Variants in SGMS1 observed in about 807,000 individuals in gnomAD.
SGMS1 encodes sphingomyelin synthase 1.
Under a neutral mutation model 46.2 loss-of-function variants are expected in SGMS1, and 13 were observed. The observed-to-expected ratio is 0.28, with a 90% CI of 0.18 to 0.45. The LOEUF (loss-of-function observed/expected upper bound fraction) is 0.45. Among genes scored for constraint, SGMS1 ranks in the 20% least tolerant of loss-of-function variants. SGMS1 has a pLI of 1.00. For missense variants in SGMS1, 324 were observed against 519.9 expected (o/e 0.62, Z 3.66); for synonymous variants, 203 against 187.8 (o/e 1.08, Z -0.66).
chr10:50,394,007 T>C (rs759195862), intron 6 of SGMS1, among the ~76,000 whole-genome samples: 5 of 152,158 alleles, frequency 3.3e-5, no homozygotes, highest in Admixed American at 1.3e-4. Context: ...CCTATCTCTA[T>C]ATAGATACCA....
chr10:50,382,780 T>C (rs1297752660), intron 6 of SGMS1, among the ~76,000 whole-genome samples: 1 of 152,220 alleles, frequency 6.6e-6, no homozygotes, highest in Non-Finnish European at 1.5e-5. Context: ...TTGAATTTCA[T>C]ACGACTGTCA....
chr10:50,449,443 T>C (rs1235035847), intron 5 of SGMS1, among the ~76,000 whole-genome samples: 1 of 152,132 alleles, frequency 6.6e-6, no homozygotes, highest in Non-Finnish European at 1.5e-5. Flanking sequence ...AACTATGTAG[T>C]CTTAGACAAG....
chr10:50,423,407 C>T (rs867329001), intron 6 of SGMS1, among the ~76,000 whole-genome samples: 9 of 152,158 alleles, frequency 5.9e-5, no homozygotes, highest in Non-Finnish European at 1.0e-4. Context: ...CCCATACAGA[C>T]TGGCTGGTCT....
At chr10:50,560,475 A>G (rs554286319) in intron 2 of SGMS1, among the ~76,000 whole-genome samples, 70 of 141,808 alleles carry the variant, frequency 4.9e-4, no homozygotes, top group Middle Eastern at 4.3e-3. Flanking sequence ...TAATACATAT[A>G]TGTAATACAT....
At chr10:50,458,125 G>C (rs1837215765) in intron 5 of SGMS1, among the ~76,000 whole-genome samples, 1 of 152,182 alleles carries the variant, frequency 6.6e-6, no homozygotes, top group Admixed American at 6.5e-5. Context: ...ACAACACCAA[G>C]CCCATCTAGA....
chr10:50,407,955 TA>T (rs540695494), intron 6 of SGMS1, among the ~76,000 whole-genome samples: 31 of 152,226 alleles, frequency 2.0e-4, no homozygotes, highest in African/African-American at 4.6e-4. Context: ...AAAATTCATT[TA>T]AAAAAAGCTT....
intron 2 of SGMS1, among the ~76,000 whole-genome samples, chr10:50,556,152 C>T (rs11006119): frequency 0.29 from 43,620 of 152,114 alleles, 7,057 homozygotes; most frequent in Middle Eastern, 0.38. Flanking sequence ...ATACAACTCT[C>T]GGTCACCAAT....
intron 1 of SGMS1, among the ~76,000 whole-genome samples, chr10:50,602,324 C>T (rs1357596849): frequency 2.6e-5 from 4 of 152,204 alleles, no homozygotes; most frequent in Non-Finnish European, 5.9e-5. Flanking sequence ...TTCTGCTTCC[C>T]ACAGGAGCTA....
intron 5 of SGMS1, among the ~76,000 whole-genome samples, chr10:50,451,470 T>A (rs935871342): frequency 6.6e-6 from 1 of 152,248 alleles, no homozygotes; most frequent in African/African-American, 2.4e-5. Flanking sequence ...CATTTAATAT[T>A]TCCTTAATAC....
At chr10:50,359,089 A>G (rs1848204512) in intron 6 of SGMS1, among the ~76,000 whole-genome samples, 1 of 152,304 alleles carries the variant, frequency 6.6e-6, no homozygotes, top group African/African-American at 2.4e-5. Context: ...ATCATCCCCT[A>G]TGAAATGGCC....
At chr10:50,317,103 A>G (rs2842091) in intron 8 of SGMS1, among the ~76,000 whole-genome samples, 11,129 of 152,208 alleles carry the variant, frequency 0.073, 967 homozygotes, top group East Asian at 0.33. Flanking sequence ...CAGATCTGAT[A>G]AAGGAATCAA....
At chr10:50,342,436 C>T (rs1225687746) in intron 7 of SGMS1, 2 of 152,110 alleles carry the variant, frequency 1.3e-5, no homozygotes, top group Non-Finnish European at 2.9e-5. Context: ...CCGTCCATCC[C>T]TGGGAAAGTG....
chr10:50,579,130 A>G (rs773382055), intron 2 of SGMS1, among the ~76,000 whole-genome samples: 1 of 152,202 alleles, frequency 6.6e-6, no homozygotes, highest in Non-Finnish European at 1.5e-5. Context: ...ATACAATAAA[A>G]GCAATCAGAG....
chr10:50,368,753 G>A (rs192095045), intron 6 of SGMS1, among the ~76,000 whole-genome samples: 2 of 152,268 alleles, frequency 1.3e-5, no homozygotes, highest in African/African-American at 4.8e-5. Context: ...CCACTGAACT[G>A]TAAAGAAATT....
At chr10:50,623,641 G>A (rs1838879711) in intron 1 of SGMS1, 66 bp downstream of exon 1, 1 of 985,234 alleles carries the variant, frequency 1.0e-6, no homozygotes, top group African/African-American at 1.7e-5. Flanking sequence ...CCGGGCCCGC[G>A]AGACAGGTGT....
intron 6 of SGMS1, among the ~76,000 whole-genome samples, chr10:50,352,659 C>T (rs932621167): frequency 2.0e-5 from 3 of 152,092 alleles, no homozygotes; most frequent in African/African-American, 7.2e-5. Context: ...TGGGGCTAGA[C>T]CAAGACCCAA....
chr10:50,487,251 C>T (rs1837529237), intron 3 of SGMS1, among the ~76,000 whole-genome samples: 2 of 152,158 alleles, frequency 1.3e-5, no homozygotes, highest in South Asian at 4.1e-4. Flanking sequence ...CCAAACACTG[C>T]ATGCTCTCAT....
In SGMS1 at chr10:50,454,524, C is replaced by T. The variant is rs559305496; in HGVS notation, c.-313+6149G>A. Among the ~76,000 whole-genome samples, 54 of 152,148 alleles carry T rather than the reference C, an allele frequency of 3.5e-4. 1 individual carries two copies. Among genetic ancestry groups the T allele is most frequent in the Admixed American group, 3.1e-3 (47 of 15,286 alleles). On this transcript the variant is annotated intron_variant, in intron 5 of 10. Transcript: ENST00000361781. Reference sequence around the variant, plus strand: ...AAAGAATCAGTGAGGCTTAGTGATCCATTCAACATGGGTCACAATGAGTCT... The same window carrying T: ...AAAGAATCAGTGAGGCTTAGTGATCTATTCAACATGGGTCACAATGAGTCT...
intron 2 of SGMS1, among the ~76,000 whole-genome samples, chr10:50,551,039 C>G (rs1207421506): frequency 6.6e-6 from 1 of 152,066 alleles, no homozygotes; most frequent in African/African-American, 2.4e-5. Flanking sequence ...CAAGGAGAAG[C>G]GTAACTTCTC....
Sources: allele counts gnomAD v4.1 joint callset (sites outside exome capture counted in the v4.1 genomes callset), GRCh38; gene constraint gnomAD v4.1.1; transcripts MANE v1.5; gene names NCBI Gene and HGNC (gene_info 2026-07-23, HGNC 2026-07-21).